Variants in ZNF469 observed in about 807,000 individuals in gnomAD.
ZNF469 encodes the protein zinc finger protein 469.
ZNF469 carries 1 observed loss-of-function variant against 1.0 expected under a neutral mutation model. That is an observed-to-expected ratio of 1.00 (90% confidence interval 0.35 to 4.73). The LOEUF (loss-of-function observed/expected upper bound fraction) is 4.73. Among genes scored for constraint, ZNF469 ranks in the 30% most tolerant of loss-of-function variants. The pLI is 0.16. For missense variants in ZNF469, 6,100 were observed against 5,356.3 expected, an observed-to-expected ratio of 1.14 and a Z score of -4.33; for synonymous variants, 2,703 against 2,363.4, an observed-to-expected ratio of 1.14 and a Z score of -4.17.
In ZNF469 at chr16:88,439,643, G is replaced by A. The variant is rs921854102; in HGVS notation, c.*311G>A. The A allele has an allele frequency of 3.2e-5, 13 of 403,360 alleles. No individual in the cohort carries two copies. Among genetic ancestry groups the A allele is most frequent in the African/African-American group, 1.6e-4 (8 of 49,416 alleles). 25.0% of individuals were successfully genotyped at this position (403,360 alleles called of 1,614,324 possible). A position where few individuals can be genotyped will look rare whatever the true frequency, so the allele number is the denominator to read the frequency against. ...CCATCCCCTCAGCCCACACCCCTGC[G>A]CCCTGTGGGCACCGACACCACAGAA... On this transcript the variant is annotated 3_prime_UTR_variant, in exon 3 of 3. Coordinates refer to ENST00000565624, the MANE Select transcript of ZNF469 (RefSeq NM_001367624.2).
the ZNF469 span, among the ~76,000 whole-genome samples, chr16:88,153,296 G>T: frequency 6.6e-6 from 1 of 152,178 alleles, no homozygotes; most frequent in Non-Finnish European, 1.5e-5. Flanking sequence ...GTGGTGCTGG[G>T]CTCCACACTG....
At chr16:88,256,895 C>CTTTCTCTCTCTCTCTCTTTCTTTCTTTCT in the ZNF469 span, among the ~76,000 whole-genome samples, 1 of 51,430 alleles carries the variant, frequency 1.9e-5, no homozygotes, top group African/African-American at 6.9e-5. Context: ...CTTTTCTTTC[C>CTTTCTCTCTCTCTCTCTTTCTTTCTTTCT]TTCTTTCTTT....
the ZNF469 span, among the ~76,000 whole-genome samples, chr16:88,179,930 T>C: frequency 1.3e-5 from 2 of 152,200 alleles, no homozygotes; most frequent in African/African-American, 2.4e-5. Flanking sequence ...TGGTAGAATA[T>C]TGTGTAATGG....
the ZNF469 span, among the ~76,000 whole-genome samples, chr16:88,196,146 A>G: frequency 6.6e-6 from 1 of 152,182 alleles, no homozygotes; most frequent in Non-Finnish European, 1.5e-5. Flanking sequence ...TGAGGCCTAG[A>G]GAGAGGCATG....
chr16:88,122,305 GATCA>G, the ZNF469 span, among the ~76,000 whole-genome samples: 1 of 151,556 alleles, frequency 6.6e-6, no homozygotes. Context: ...TGGCCCCTTG[GATCA>G]CACTCTGTCA....
the ZNF469 span, among the ~76,000 whole-genome samples, chr16:88,172,686 G>T: frequency 6.6e-6 from 1 of 152,340 alleles, no homozygotes; most frequent in African/African-American, 2.4e-5. Flanking sequence ...AGACAAGGAT[G>T]CTAAACAGCT....
chr16:88,119,615 AT>A, the ZNF469 span, among the ~76,000 whole-genome samples: 1 of 152,130 alleles, frequency 6.6e-6, no homozygotes, highest in African/African-American at 2.4e-5. Flanking sequence ...TACGCAGAGG[AT>A]GGGGTGGAGA....
At chr16:88,390,298 G>T (rs1904451694) in intron 1 of ZNF469, among the ~76,000 whole-genome samples, 1 of 152,176 alleles carries the variant, frequency 6.6e-6, no homozygotes, top group Admixed American at 6.5e-5. Flanking sequence ...GGGAGTAGGG[G>T]CACCCACCAA....
At chr16:88,204,810 C>A in the ZNF469 span, among the ~76,000 whole-genome samples, 1 of 152,204 alleles carries the variant, frequency 6.6e-6, no homozygotes, top group Non-Finnish European at 1.5e-5. Context: ...GAGAAGTCTG[C>A]AGCTTTTCAC....
At chr16:88,162,161 C>T in the ZNF469 span, among the ~76,000 whole-genome samples, 2 of 152,060 alleles carry the variant, frequency 1.3e-5, no homozygotes, top group South Asian at 4.1e-4. Flanking sequence ...TTGAGAAAAT[C>T]CTCCATTTAG....
the ZNF469 span, among the ~76,000 whole-genome samples, chr16:88,327,173 C>T: frequency 5.3e-5 from 8 of 152,328 alleles, no homozygotes; most frequent in South Asian, 8.3e-4. Flanking sequence ...GTCCAGGCCC[C>T]GGGTGGCCGC....
Position 88,433,194 on chromosome 16 carries a change from A to T in ZNF469, c.5724A>T (p.Pro1908=). 1 of 1,550,312 alleles carries T rather than the reference A, an allele frequency of 6.5e-7. No homozygotes were observed. The highest frequency in any genetic ancestry group is 8.7e-7 in the Non-Finnish European group (1 of 1,146,936). The part of the protein sequence containing the change: ...LSPPIRQLQL[P]GPGVAKSKDG... ...CCCCCATACGTCAGCTCCAGCTCCCAGGGCCTGGAGTGGCTAAGAGTAAAG... is the reference window on the plus strand; with the variant it reads ...CCCCCATACGTCAGCTCCAGCTCCCTGGGCCTGGAGTGGCTAAGAGTAAAG... The change falls in exon 3 of 3, where the codon CCA becomes CCT. Residue 1908 remains proline (P), a synonymous_variant. Transcript: ENST00000565624.
chr16:88,348,974 G>A, the ZNF469 span, among the ~76,000 whole-genome samples: 1 of 152,154 alleles, frequency 6.6e-6, no homozygotes, highest in Non-Finnish European at 1.5e-5. Flanking sequence ...GTCCTGAGCT[G>A]GGGACAGCAT....
chr16:88,301,629 A>G, the ZNF469 span, among the ~76,000 whole-genome samples: 1 of 152,350 alleles, frequency 6.6e-6, no homozygotes, highest in Middle Eastern at 3.4e-3. Context: ...AGCCACGTCC[A>G]GGAATTCCCA....
chr16:88,248,597 A>G, the ZNF469 span, among the ~76,000 whole-genome samples: 16 of 152,246 alleles, frequency 1.1e-4, no homozygotes, highest in African/African-American at 9.6e-5. Context: ...AGTGTATGCT[A>G]TAATAGTACC....
chr16:88,256,891 TTTCC>T, the ZNF469 span, among the ~76,000 whole-genome samples: 41,438 of 53,350 alleles, frequency 0.78, 16,093 homozygotes, highest in Non-Finnish European at 0.85. Flanking sequence ...TTTTCTTTTC[TTTCC>T]TTCTTTCTTT....
the ZNF469 span, among the ~76,000 whole-genome samples, chr16:88,258,483 C>T: frequency 6.8e-6 from 1 of 146,676 alleles, no homozygotes; most frequent in Admixed American, 6.9e-5. Context: ...GGCCCTGGAG[C>T]CATCGGCTAA....
At chr16:88,285,587 C>G in the ZNF469 span, among the ~76,000 whole-genome samples, 2 of 152,252 alleles carry the variant, frequency 1.3e-5, no homozygotes, top group East Asian at 1.9e-4. Flanking sequence ...CACCTGTGGC[C>G]CATTTGGCAC....
the ZNF469 span, among the ~76,000 whole-genome samples, chr16:88,208,971 C>T: frequency 6.6e-6 from 1 of 152,028 alleles, no homozygotes; most frequent in South Asian, 2.1e-4. Flanking sequence ...CTAGAATAAA[C>T]AGAAAATAGT....
Sources: gnomAD v4.1 joint callset for allele counts (sites outside exome capture counted in the v4.1 genomes callset) on GRCh38, gnomAD v4.1.1 for gene constraint, MANE v1.5 for transcripts, NCBI Gene and HGNC (gene_info 2026-07-23, HGNC 2026-07-21) for gene names.